CNTNAP5: variants seen among roughly 807,000 people sequenced by gnomAD.
CNTNAP5 encodes contactin associated protein family member 5.
Under a neutral mutation model 150.2 loss-of-function variants are expected in CNTNAP5, and 72 were observed. That is an observed-to-expected ratio of 0.48 (90% CI 0.40 to 0.58). The LOEUF is 0.58. Ranked by LOEUF, CNTNAP5 falls within the 20% of genes least tolerant of loss-of-function variation. CNTNAP5 has a pLI of 0.00. For missense variants in CNTNAP5, 1,636 were observed against 1,626.2 expected (o/e 1.01, Z -0.10); for synonymous variants, 672 against 619.8 (o/e 1.08, Z -1.25).
At chr2:124,068,024 G>C (rs934749861) in intron 1 of CNTNAP5, among the ~76,000 whole-genome samples, 1 of 152,166 alleles carries the variant, frequency 6.6e-6, no homozygotes, top group Admixed American at 6.5e-5. Context: ...AGTGGAGCAA[G>C]GAGGCAGAAT....
At chr2:124,272,384 G>A (rs1003491991) in intron 3 of CNTNAP5, among the ~76,000 whole-genome samples, 7 of 152,094 alleles carry the variant, frequency 4.6e-5, no homozygotes, top group African/African-American at 1.4e-4. Context: ...CTCTTTAATA[G>A]AAACTAGCTG....
chr2:124,397,963 A>G (rs1304382549), intron 3 of CNTNAP5, among the ~76,000 whole-genome samples: 1 of 152,232 alleles, frequency 6.6e-6, no homozygotes, highest in Non-Finnish European at 1.5e-5. Flanking sequence ...AAATAATTTC[A>G]TGATAACTGA....
In CNTNAP5 at chr2:124,415,914, A is replaced by C. The variant is rs561455220; in HGVS notation, c.382-1529A>C. The stretch of plus-strand genomic sequence containing the variant: ...TTGGATTTCATCTTCAGCAAAAAAA[A>C]CCCCCCAATAATTTTCAGGGAAAAT... On this transcript the variant is annotated intron_variant, in intron 3 of 23. Coordinates refer to ENST00000682447, the MANE Select transcript of CNTNAP5 (RefSeq NM_001367498.1). Among the ~76,000 whole-genome samples the C allele has an allele frequency of 7.9e-5, 12 of 152,214 alleles. No individual in the cohort carries two copies. In the South Asian group the frequency reaches 8.3e-4, roughly 11 times the overall value.
chr2:124,784,023 A>T (rs1330395326), intron 17 of CNTNAP5, among the ~76,000 whole-genome samples: 1 of 152,192 alleles, frequency 6.6e-6, no homozygotes, highest in Admixed American at 6.6e-5. Context: ...TTTATTCATC[A>T]TGTATATGTT....
chr2:124,241,815 A>G (rs1349532467), intron 2 of CNTNAP5, among the ~76,000 whole-genome samples: 1 of 152,304 alleles, frequency 6.6e-6, no homozygotes, highest in African/African-American at 2.4e-5. Context: ...GGAACGATAT[A>G]TTAGTCAGAG....
At chr2:124,450,946 GCTTGAGCC>G (rs1692954787) in intron 6 of CNTNAP5, among the ~76,000 whole-genome samples, 1 of 146,800 alleles carries the variant, frequency 6.8e-6, no homozygotes, top group Non-Finnish European at 1.5e-5. Context: ...AGGGAGGATG[GCTTGAGCC>G]CAGTTTGAGG....
At chr2:124,390,082 T>C (rs1396851920) in intron 3 of CNTNAP5, among the ~76,000 whole-genome samples, 1 of 152,150 alleles carries the variant, frequency 6.6e-6, no homozygotes, top group Non-Finnish European at 1.5e-5. Context: ...ATCTGAAGTA[T>C]GAGTGTCCCC....
chr2:124,401,724 A>G (rs1371014654), intron 3 of CNTNAP5, among the ~76,000 whole-genome samples: 1 of 152,228 alleles, frequency 6.6e-6, no homozygotes, highest in African/African-American at 2.4e-5. Flanking sequence ...ATTCACAGGC[A>G]AGGACATTTG....
chr2:124,206,432 C>A (rs79100317), intron 1 of CNTNAP5, among the ~76,000 whole-genome samples: 1 of 152,182 alleles, frequency 6.6e-6, no homozygotes, highest in Non-Finnish European at 1.5e-5. Flanking sequence ...CAACATAATG[C>A]GTGTATGAAT....
At chr2:124,557,604 G>A (rs1695788246) in intron 10 of CNTNAP5, among the ~76,000 whole-genome samples, 1 of 151,926 alleles carries the variant, frequency 6.6e-6, no homozygotes, top group Non-Finnish European at 1.5e-5. Flanking sequence ...TGGAGCTAAC[G>A]TTCATTTTCA....
intron 6 of CNTNAP5, among the ~76,000 whole-genome samples, chr2:124,460,011 C>A (rs1693210209): frequency 6.6e-6 from 1 of 152,112 alleles, no homozygotes; most frequent in African/African-American, 2.4e-5. Flanking sequence ...GCCTGACAAA[C>A]CTCTATGAAA....
intron 11 of CNTNAP5, among the ~76,000 whole-genome samples, chr2:124,591,620 C>A (rs909718883): frequency 1.3e-5 from 2 of 152,052 alleles, no homozygotes; most frequent in Non-Finnish European, 2.9e-5. Flanking sequence ...CATGTTGCAC[C>A]CTTGTTGCAC....
chr2:124,604,663 T>A (rs1041226064), intron 11 of CNTNAP5, among the ~76,000 whole-genome samples: 7 of 152,210 alleles, frequency 4.6e-5, no homozygotes, highest in Admixed American at 1.3e-4. Flanking sequence ...ATTAACCACC[T>A]ACAAGCTGGT....
At position 124,211,522 on chromosome 2, in the gene CNTNAP5, A is replaced by AC. The variant is rs1427203989; in HGVS notation, c.83-10183_83-10182insC. On this transcript the variant is annotated intron_variant, in intron 1 of 23. Coordinates refer to ENST00000682447, the MANE Select transcript of CNTNAP5 (RefSeq NM_001367498.1). ...ATACTACAGTCTCCAACACACACAC[A>AC]AACACACACACACACACACACATAA... is the stretch of plus-strand genomic sequence containing the variant. Among the ~76,000 whole-genome samples, 656 of 138,200 alleles carry AC rather than the reference A, an allele frequency of 4.7e-3. 3 individuals are homozygous for AC. Among genetic ancestry groups the AC allele is most frequent in the Non-Finnish European group, 8.3e-3 (533 of 64,168 alleles). 90.7% of individuals were successfully genotyped at this position (138,200 alleles called of 152,430 possible). A position where few individuals can be genotyped will look rare whatever the true frequency, so the allele number is the denominator to read the frequency against.
At chr2:124,911,288 C>T (rs1678649429) in intron 22 of CNTNAP5, among the ~76,000 whole-genome samples, 179 bp from the exon 23 acceptor site, 1 of 151,948 alleles carries the variant, frequency 6.6e-6, no homozygotes, top group African/African-American at 2.4e-5. Context: ...GTGAGCAGTG[C>T]ACTTCAAATG....
At chr2:124,658,377 T>C (rs10202655) in intron 13 of CNTNAP5, among the ~76,000 whole-genome samples, 84,358 of 151,936 alleles carry the variant, frequency 0.56, 24,009 homozygotes, top group Non-Finnish European at 0.62. Flanking sequence ...AGTGTCCTTT[T>C]CACTCTGGCA....
intron 3 of CNTNAP5, among the ~76,000 whole-genome samples, chr2:124,408,450 G>A (rs1403483650): frequency 6.6e-6 from 1 of 152,200 alleles, no homozygotes; most frequent in Admixed American, 6.5e-5. Context: ...CAAACAAAAA[G>A]ACAGCAGTAA....
intron 13 of CNTNAP5, among the ~76,000 whole-genome samples, chr2:124,708,796 C>A (rs1238963901): frequency 6.6e-6 from 1 of 152,164 alleles, no homozygotes; most frequent in Non-Finnish European, 1.5e-5. Context: ...TTGCTGAGTT[C>A]TCTAAGCCAG....
At chr2:124,575,953 A>G (rs946260385) in intron 11 of CNTNAP5, among the ~76,000 whole-genome samples, 3 of 152,172 alleles carry the variant, frequency 2.0e-5, no homozygotes, top group African/African-American at 7.2e-5. Context: ...AGGTAGGAAA[A>G]CTTCCCATTT....
Sources: gnomAD v4.1 joint callset for allele counts (sites outside exome capture counted in the v4.1 genomes callset) on GRCh38, gnomAD v4.1.1 for gene constraint, MANE v1.5 for transcripts, NCBI Gene and HGNC (gene_info 2026-07-23, HGNC 2026-07-21) for gene names.